Variants in GRIK1 observed in about 807,000 individuals in gnomAD.
GRIK1 encodes the protein glutamate ionotropic receptor kainate type subunit 1.
Under a neutral mutation model 105.7 loss-of-function variants are expected in GRIK1, and 69 were observed. That is an observed-to-expected ratio of 0.65 (90% CI 0.54 to 0.80). The LOEUF is 0.80. Ranked by LOEUF, GRIK1 falls within the 30% of genes least tolerant of loss-of-function variation. The pLI is 0.00. For synonymous variants in GRIK1, 438 were observed against 431.3 expected, an observed-to-expected ratio of 1.02 and a Z score of -0.19; for missense variants, 1,109 against 1,167.3, an observed-to-expected ratio of 0.95 and a Z score of 0.73.
At chr21:29,877,567 G>C (rs1014661762) in intron 1 of GRIK1, among the ~76,000 whole-genome samples, 1 of 152,028 alleles carries the variant, frequency 6.6e-6, no homozygotes, top group African/African-American at 2.4e-5. Flanking sequence ...CTGTATTACA[G>C]ACCATGAGTT....
intron 1 of GRIK1, among the ~76,000 whole-genome samples, chr21:29,714,520 C>T (rs1217799475): frequency 6.6e-6 from 1 of 152,106 alleles, no homozygotes; most frequent in Non-Finnish European, 1.5e-5. Flanking sequence ...GACAGTAGGT[C>T]ACCCTGTAAC....
intron 1 of GRIK1, among the ~76,000 whole-genome samples, chr21:29,883,710 T>A (rs1356512669): frequency 2.0e-5 from 3 of 151,962 alleles, no homozygotes; most frequent in African/African-American, 7.2e-5. Context: ...GAAAGACTGG[T>A]TTACAATGAT....
intron 1 of GRIK1, among the ~76,000 whole-genome samples, chr21:29,768,463 A>G (rs1249353650): frequency 6.6e-6 from 1 of 152,138 alleles, no homozygotes; most frequent in East Asian, 1.9e-4. Flanking sequence ...CCACCACTAT[A>G]AATACCTGGT....
At chr21:29,924,830 C>T (rs1602060547) in intron 1 of GRIK1, among the ~76,000 whole-genome samples, 1 of 152,064 alleles carries the variant, frequency 6.6e-6, no homozygotes, top group Admixed American at 6.5e-5. Context: ...ATAGAAGGAC[C>T]TCATTCTTAC....
Position 29,808,129 on chromosome 21 carries a change from A to G in GRIK1, c.119-114066T>C, listed in dbSNP as rs564435459. Reference sequence around the variant, plus strand: ...CAGAAGAGCCCAGATTACCATTTTCATAGAAATTTCCAGAATAAGGGAGGG... The same window carrying G: ...CAGAAGAGCCCAGATTACCATTTTCGTAGAAATTTCCAGAATAAGGGAGGG... On this transcript the variant is annotated intron_variant, in intron 1 of 17. Coordinates refer to ENST00000327783, the MANE Select transcript of GRIK1 (RefSeq NM_001330994.2). Among the ~76,000 whole-genome samples, 5 of 152,290 alleles carry G rather than the reference A, an allele frequency of 3.3e-5. No individual in the cohort carries two copies. The East Asian group carries it at 9.6e-4, about 29-fold the overall frequency.
At chr21:29,634,695 C>G (rs2062358492) in intron 7 of GRIK1, among the ~76,000 whole-genome samples, 1 of 152,142 alleles carries the variant, frequency 6.6e-6, no homozygotes. Context: ...AGGATACACC[C>G]TCCAGCAGAG....
At chr21:29,674,434 T>G (rs2063227047) in intron 3 of GRIK1, among the ~76,000 whole-genome samples, 1 of 152,018 alleles carries the variant, frequency 6.6e-6, no homozygotes, top group East Asian at 1.9e-4. Flanking sequence ...GGGAGGGTGG[T>G]TGCTGTAGAA....
intron 3 of GRIK1, among the ~76,000 whole-genome samples, chr21:29,689,238 A>T (rs1031996862): frequency 2.0e-5 from 3 of 152,156 alleles, no homozygotes; most frequent in African/African-American, 7.2e-5. Context: ...TTTATTAAGC[A>T]CTCATCAATG....
chr21:29,647,811 C>T (rs1422379186), intron 6 of GRIK1, among the ~76,000 whole-genome samples: 1 of 152,176 alleles, frequency 6.6e-6, no homozygotes, highest in Non-Finnish European at 1.5e-5. Context: ...CTGTCAATTA[C>T]CACTTCAGTT....
chr21:29,846,178 G>A (rs761827524), intron 1 of GRIK1, among the ~76,000 whole-genome samples: 1 of 143,490 alleles, frequency 7.0e-6, no homozygotes, highest in Non-Finnish European at 1.5e-5. Context: ...ATCACCTGAG[G>A]TTGGGAGTTC....
At chr21:29,921,840 T>C (rs890766217) in intron 1 of GRIK1, among the ~76,000 whole-genome samples, 1 of 152,184 alleles carries the variant, frequency 6.6e-6, no homozygotes, top group African/African-American at 2.4e-5. Context: ...CTGAAAATTT[T>C]GGTTTAAAAA....
At chr21:29,815,446 T>C (rs2067130057) in intron 1 of GRIK1, among the ~76,000 whole-genome samples, 1 of 152,162 alleles carries the variant, frequency 6.6e-6, no homozygotes, top group Non-Finnish European at 1.5e-5. Flanking sequence ...GACGGCTGTT[T>C]TGATTATTCA....
intron 1 of GRIK1, among the ~76,000 whole-genome samples, chr21:29,848,779 A>ATATATTTTTTTTTTTTTTT: frequency 2.4e-4 from 19 of 77,848 alleles, no homozygotes; most frequent in African/African-American, 1.1e-3. Context: ...ATATATATAT[A>ATATATTTTTTTTTTTTTTT]TTTTTTTTTT....
At chr21:29,656,812 A>G (rs930885996) in intron 4 of GRIK1, among the ~76,000 whole-genome samples, 3 of 152,210 alleles carry the variant, frequency 2.0e-5, no homozygotes, top group African/African-American at 7.2e-5. Flanking sequence ...CCAGTCCTAC[A>G]CTTCTCAACA....
chr21:29,656,276 G>C (rs565255615), intron 4 of GRIK1, among the ~76,000 whole-genome samples: 5 of 145,940 alleles, frequency 3.4e-5, no homozygotes, highest in Admixed American at 1.4e-4. Flanking sequence ...GCAGGAGAAC[G>C]GCGTGAACCC....
chr21:29,561,499 ATTAG>A (rs1334796645), intron 15 of GRIK1, 121 bp downstream of exon 15: 3 of 641,024 alleles, frequency 4.7e-6, no homozygotes, highest in Non-Finnish European at 8.6e-6. Flanking sequence ...TGTTTACATT[ATTAG>A]TTCACTAATG....
intron 1 of GRIK1, among the ~76,000 whole-genome samples, chr21:29,757,629 G>T (rs927272280): frequency 1.3e-5 from 2 of 152,144 alleles, no homozygotes; most frequent in African/African-American, 4.8e-5. Context: ...CTTTCTCAAA[G>T]AAGCCAGTCA....
At chr21:29,708,460 A>G (rs2146802256) in intron 1 of GRIK1, among the ~76,000 whole-genome samples, 1 of 152,352 alleles carries the variant, frequency 6.6e-6, no homozygotes, top group African/African-American at 2.4e-5. Context: ...TTACAAATAC[A>G]TTAATTTTTT....
intron 1 of GRIK1, among the ~76,000 whole-genome samples, chr21:29,737,479 A>G (rs2064822836): frequency 6.6e-6 from 1 of 152,240 alleles, no homozygotes; most frequent in Non-Finnish European, 1.5e-5. Flanking sequence ...AGAATGACAA[A>G]ATAAAAGGGG....
Sources: allele counts gnomAD v4.1 joint callset (sites outside exome capture counted in the v4.1 genomes callset), GRCh38; gene constraint gnomAD v4.1.1; transcripts MANE v1.5; gene names NCBI Gene and HGNC (gene_info 2026-07-23, HGNC 2026-07-21).